The following ADGRG6 variants were observed in gnomAD, a reference collection of about 807,000 sequenced individuals.
The protein encoded by ADGRG6 is adhesion G protein-coupled receptor G6.
A neutral mutation model predicts 142.4 loss-of-function variants in ADGRG6; 84 were observed. The observed-to-expected ratio is 0.59, with a 90% CI of 0.49 to 0.71. The LOEUF is 0.71. ADGRG6 is among the 30% of genes least tolerant of loss of function. The pLI, the probability that ADGRG6 is intolerant of heterozygous loss-of-function variation, is 0.00. For missense variants in ADGRG6, 1,367 were observed against 1,466.6 expected, an observed-to-expected ratio of 0.93 and a Z score of 1.11; for synonymous variants, 521 against 520.5, an observed-to-expected ratio of 1.00 and a Z score of -0.01.
chr6:142,396,829 AT>A (rs1386891428), intron 9 of ADGRG6, among the ~76,000 whole-genome samples: 1 of 152,128 alleles, frequency 6.6e-6, no homozygotes, highest in Non-Finnish European at 1.5e-5. Flanking sequence ...AATAGTTTTG[AT>A]TTCTGCTTTT....
At chr6:142,417,147 G>A in intron 20 of ADGRG6, 126 bp from the exon 21 acceptor site, 1 of 716,928 alleles carries the variant, frequency 1.4e-6, no homozygotes, top group Non-Finnish European at 2.6e-6. Flanking sequence ...TTGAATCTGG[G>A]ATATGGAATG....
intron 2 of ADGRG6, among the ~76,000 whole-genome samples, chr6:142,331,035 G>A (rs1288925345): frequency 2.6e-5 from 4 of 151,648 alleles, no homozygotes; most frequent in African/African-American, 7.3e-5. Context: ...TGAAGTCACC[G>A]ACTGGGGCCC....
intron 10 of ADGRG6, among the ~76,000 whole-genome samples, 154 bp downstream of exon 10, chr6:142,397,909 A>G (rs1031440125): frequency 1.5e-5 from 2 of 132,840 alleles, no homozygotes; most frequent in African/African-American, 3.7e-5. Flanking sequence ...ACATAGCAGA[A>G]AAAAAAAATC....
chr6:142,411,691 T>C (rs1776096585), intron 18 of ADGRG6, among the ~76,000 whole-genome samples: 1 of 152,066 alleles, frequency 6.6e-6, no homozygotes, highest in Non-Finnish European at 1.5e-5. Flanking sequence ...CATGAAACTT[T>C]TTAATTAAGA....
rs1428402092 is a variant in ADGRG6, at chr6:142,435,838, AAT to A, written c.3320-1594_3320-1593del. On this transcript the variant is annotated intron_variant, in intron 22 of 24. Transcript: ENST00000367609. ...AAGGTTAAAATTAAAAATAAAATAA[AAT>A]AACGGTTGCTGAGGGCCTCTCTGAG... 6.6e-5 allele frequency among the ~76,000 whole-genome samples: 10 copies of A among 152,322 alleles called. No homozygotes were observed. In the East Asian group the frequency reaches 1.9e-3, roughly 29 times the overall value.
At chr6:142,320,831 A>G (rs1390279993) in intron 2 of ADGRG6, among the ~76,000 whole-genome samples, 1 of 152,032 alleles carries the variant, frequency 6.6e-6, no homozygotes, top group African/African-American at 2.4e-5. Flanking sequence ...GGATCCTGTG[A>G]ATTAATTTCT....
At position 142,438,340 on chromosome 6, in the gene ADGRG6, T is replaced by G; in HGVS notation, c.3550T>G (p.Tyr1184Asp). 1.9e-6 allele frequency: 3 copies of G among 1,608,960 alleles called. No individual in the cohort carries two copies. Among genetic ancestry groups the G allele is most frequent in the Non-Finnish European group, 2.5e-6 (3 of 1,177,500 alleles). The change falls in exon 24 of 25, where the codon TAT becomes GAT. Residue 1184 changes from tyrosine (Y) to aspartate (D), a missense_variant. Physicochemically the swap from Tyr to Asp is radical, Grantham distance 160. This residue lies in a region of ADGRG6 where 344 missense variants were observed against 348.7 expected (regional missense o/e 0.99). Coordinates refer to ENST00000367609, the MANE Select transcript of ADGRG6 (RefSeq NM_198569.3). ...CAAATCTAAATCCAGCTCTACCACCTATTTCAAAAGGAATAGCCACACAGG... is the reference window on the plus strand; with the variant it reads ...CAAATCTAAATCCAGCTCTACCACCGATTTCAAAAGGAATAGCCACACAGG... ...TSKSKSSSTT[Y>D]FKRNSHTDSA...
At chr6:142,390,200 G>A in intron 6 of ADGRG6, 58 bp from the exon 7 acceptor site, 1 of 732,436 alleles carries the variant, frequency 1.4e-6, no homozygotes, top group African/African-American at 1.8e-5. Flanking sequence ...TAAATTGTTT[G>A]ATAATTATAT....
intron 10 of ADGRG6, among the ~76,000 whole-genome samples, chr6:142,398,457 A>G (rs1474695874): frequency 6.6e-6 from 1 of 152,072 alleles, no homozygotes; most frequent in African/African-American, 2.4e-5. Context: ...TCCTTCTCTC[A>G]TGTTCCCTGT....
In ADGRG6 at chr6:142,408,220, A is replaced by G; in HGVS notation, c.2339A>G (p.Gln780Arg). ...TGCAGTATTGGAAACATTACTATCC[A>G]GAATCTGAAGGATCCTGTTCAAATA... The part of the protein sequence containing the change: ...MACSIGNITI[Q>R]NLKDPVQIKI... The change falls in exon 16 of 25, where the codon CAG becomes CGG. Residue 780 changes from glutamine to arginine, a missense_variant. Physicochemically the swap from Gln to Arg is conservative, Grantham distance 43. Coordinates refer to ENST00000367609, the MANE Select transcript of ADGRG6 (RefSeq NM_198569.3). 1 of 1,584,618 alleles carries G rather than the reference A, an allele frequency of 6.3e-7. No individual in the cohort carries two copies. Among genetic ancestry groups the G allele is most frequent in the Non-Finnish European group, 8.6e-7 (1 of 1,162,070 alleles).
intron 2 of ADGRG6, among the ~76,000 whole-genome samples, chr6:142,328,417 G>C (rs2114649451): frequency 6.6e-6 from 1 of 152,216 alleles, no homozygotes; most frequent in Non-Finnish European, 1.5e-5. Context: ...TGCCCAGCTG[G>C]TCTCGATCTT....
At chr6:142,316,121 G>C (rs1030960168) in intron 2 of ADGRG6, among the ~76,000 whole-genome samples, 13 of 152,042 alleles carry the variant, frequency 8.6e-5, no homozygotes, top group Admixed American at 2.6e-4. Flanking sequence ...ACATATCTTG[G>C]TTTTTAGTCA....
chr6:142,386,391 C>T (rs905437864), intron 6 of ADGRG6, among the ~76,000 whole-genome samples: 2 of 152,186 alleles, frequency 1.3e-5, no homozygotes, highest in African/African-American at 2.4e-5. Context: ...GGCCGAAACA[C>T]TTCTAATATT....
intron 8 of ADGRG6, among the ~76,000 whole-genome samples, 159 bp from the exon 9 acceptor site, chr6:142,393,737 T>G (rs1334694886): frequency 6.6e-6 from 1 of 152,172 alleles, no homozygotes; most frequent in African/African-American, 2.4e-5. Context: ...AAGCACACAG[T>G]TGCCTAGCTT....
At position 142,420,084 on chromosome 6, in the gene ADGRG6, CCATCTT is replaced by C. The variant is rs1187726222; in HGVS notation, c.3302_3307del (p.Ile1101_Phe1102del). 6.2e-7 allele frequency: 1 copy of C among 1,612,040 alleles called. No individual in the cohort carries two copies. The highest frequency in any genetic ancestry group is 2.2e-5 in the East Asian group (1 of 44,850). On this transcript the variant is annotated inframe_deletion, in exon 22 of 25. Transcript: ENST00000367609. Reference sequence around the variant, plus strand: ...AATATCCCCTTCATGTACCTCTTCTCCATCTTCAATTCATTACAAGGTAAGATAAAT... The same window carrying C: ...AATATCCCCTTCATGTACCTCTTCTCCAATTCATTACAAGGTAAGATAAAT...
At chr6:142,438,595 T>A (rs1172426988) in intron 24 of ADGRG6, among the ~76,000 whole-genome samples, 1 of 152,238 alleles carries the variant, frequency 6.6e-6, no homozygotes, top group Non-Finnish European at 1.5e-5. Context: ...CTCTGTATAT[T>A]ATTGTTACTT....
chr6:142,353,566 G>A (rs1356103746), intron 2 of ADGRG6, among the ~76,000 whole-genome samples: 2 of 152,114 alleles, frequency 1.3e-5, no homozygotes, highest in East Asian at 3.8e-4. Flanking sequence ...CTTGGATGTT[G>A]TATCAAGTAG....
intron 10 of ADGRG6, among the ~76,000 whole-genome samples, chr6:142,399,756 G>A (rs913180842): frequency 3.3e-5 from 5 of 152,206 alleles, no homozygotes; most frequent in African/African-American, 9.6e-5. Context: ...AGTTGGTGAT[G>A]ACAGTACTTG....
chr6:142,366,635 A>C (rs2114847287), intron 2 of ADGRG6, among the ~76,000 whole-genome samples: 1 of 152,088 alleles, frequency 6.6e-6, no homozygotes, highest in East Asian at 1.9e-4. Flanking sequence ...CACACCTGTA[A>C]TCCTAGCTAC....
Sources: gnomAD v4.1 joint callset for allele counts (sites outside exome capture counted in the v4.1 genomes callset) on GRCh38, gnomAD v4.1.1 for gene constraint, gnomAD v4.1.1 regional missense constraint, MANE v1.5 for transcripts, NCBI Gene and HGNC (gene_info 2026-07-23, HGNC 2026-07-21) for gene names.